EML4: variants seen among roughly 807,000 people sequenced by gnomAD.
EML4 encodes the protein EMAP like 4.
Under a neutral mutation model 129.0 loss-of-function variants are expected in EML4, and 72 were observed. That is an observed-to-expected ratio of 0.56 (90% confidence interval 0.46 to 0.68). The LOEUF (loss-of-function observed/expected upper bound fraction) is 0.68. Among genes scored for constraint, EML4 ranks in the 30% least tolerant of loss-of-function variants. The probability of loss-of-function intolerance (pLI) is 0.00; values close to 1 mark genes in which losing one functional copy is unlikely to be tolerated. For missense variants in EML4, 1,363 were observed against 1,190.6 expected (o/e 1.14, Z -2.13); for synonymous variants, 532 against 405.0 (o/e 1.31, Z -3.77).
intron 1 of EML4, among the ~76,000 whole-genome samples, chr2:42,240,349 C>T (rs1674945737): frequency 6.6e-6 from 1 of 152,106 alleles, no homozygotes; most frequent in Non-Finnish European, 1.5e-5. Flanking sequence ...CTAATCTTAC[C>T]TTCCTAGCCA....
chr2:42,304,169 C>T (rs1174291545), intron 16 of EML4, among the ~76,000 whole-genome samples: 1 of 152,134 alleles, frequency 6.6e-6, no homozygotes, highest in Admixed American at 6.5e-5. Flanking sequence ...TCCACCTTCT[C>T]TAGCCCAAGA....
At chr2:42,304,258 C>T (rs898514488) in intron 16 of EML4, among the ~76,000 whole-genome samples, 1 of 152,160 alleles carries the variant, frequency 6.6e-6, no homozygotes, top group Non-Finnish European at 1.5e-5. Context: ...GTTCCACTCC[C>T]TAGCCACAAG....
chr2:42,217,731 AT>A (rs1673286604), intron 1 of EML4, among the ~76,000 whole-genome samples: 1 of 152,182 alleles, frequency 6.6e-6, no homozygotes, highest in Admixed American at 6.5e-5. Flanking sequence ...ACATTGCTTG[AT>A]TGCTGAACTG....
rs537352036 is a variant in EML4, at chr2:42,255,964, T to C, written c.209-537T>C. Among the ~76,000 whole-genome samples, 8 of 152,376 alleles carry C rather than the reference T, an allele frequency of 5.3e-5. No homozygotes were observed. In the East Asian group the frequency reaches 7.7e-4, roughly 15 times the overall value. ...GTATAGATAGGACTGTTTTATCTTA[T>C]GATGTTGTGTCTTCTGACCACACTA... is the stretch of plus-strand genomic sequence containing the variant. On this transcript the variant is annotated intron_variant, in intron 2 of 22. Transcript: ENST00000318522.
At chr2:42,258,516 G>C (rs575131054) in intron 3 of EML4, among the ~76,000 whole-genome samples, 1 of 152,130 alleles carries the variant, frequency 6.6e-6, no homozygotes, top group East Asian at 1.9e-4. Flanking sequence ...TTCTCCTGCT[G>C]CAGCACCCGG....
intron 3 of EML4, 46 bp from the exon 4 acceptor site, chr2:42,261,075 C>A: frequency 1.1e-5 from 15 of 1,379,508 alleles, no homozygotes; most frequent in East Asian, 4.6e-5. Flanking sequence ...GATTTTTTTT[C>A]ATTTGTTTAA....
chr2:42,221,813 A>T (rs1307123277), intron 1 of EML4, among the ~76,000 whole-genome samples: 2 of 151,962 alleles, frequency 1.3e-5, no homozygotes, highest in African/African-American at 4.8e-5. Context: ...CGTGTTGGCC[A>T]GGCTGGTCTC....
intron 1 of EML4, among the ~76,000 whole-genome samples, chr2:42,222,837 C>T (rs187001153): frequency 7.4e-4 from 112 of 152,052 alleles, no homozygotes; most frequent in African/African-American, 2.5e-3. Context: ...CTCGCTTTGT[C>T]GCCTAGGCTG....
chr2:42,234,106 T>C (rs897473702), intron 1 of EML4, among the ~76,000 whole-genome samples: 1 of 152,274 alleles, frequency 6.6e-6, no homozygotes, highest in Non-Finnish European at 1.5e-5. Flanking sequence ...TGCCTGCTTT[T>C]GCCTGTGTGT....
At chr2:42,252,860 T>C (rs373399634) in intron 2 of EML4, among the ~76,000 whole-genome samples, 108 of 152,340 alleles carry the variant, frequency 7.1e-4, no homozygotes, top group African/African-American at 2.5e-3. Context: ...ATGTGTCCTT[T>C]CTTTGCACTT....
rs551871376 is a variant in EML4 at position 42,254,860 on chromosome 2, C to T, written c.209-1641C>T. ...CAAATGTTTATGGCAGCACTATTCC[C>T]ATTAGCCAAAAGGTGGAAACAATCC... On this transcript the variant is annotated intron_variant, in intron 2 of 22. Coordinates refer to ENST00000318522, the MANE Select transcript of EML4 (RefSeq NM_019063.5). 3.3e-5 allele frequency among the ~76,000 whole-genome samples: 5 copies of T among 152,066 alleles called. No individual in the cohort carries two copies. In the South Asian group the frequency reaches 1.0e-3, roughly 32 times the overall value.
At chr2:42,239,968 C>T (rs1410826547) in intron 1 of EML4, among the ~76,000 whole-genome samples, 1 of 152,080 alleles carries the variant, frequency 6.6e-6, no homozygotes, top group Non-Finnish European at 1.5e-5. Flanking sequence ...AAGAGCAATG[C>T]ATAATATAGT....
In EML4 at chr2:42,317,429, G is replaced by T; in HGVS notation, c.2059G>T (p.Gly687Cys). 6.2e-7 allele frequency: 1 copy of T among 1,601,008 alleles called. No individual in the cohort carries two copies. Among genetic ancestry groups the T allele is most frequent in the Non-Finnish European group, 8.5e-7 (1 of 1,170,586 alleles). Residue 687 changes from glycine to cysteine, a missense_variant and splice_region_variant, in exon 19 of 23, where the codon GGT becomes TGT. Gly to Cys is a radical substitution (Grantham distance 159). Transcript: ENST00000318522. ...QLSVMRYSID[G>C]TFLAVGSHDN... ...AACACTGACCTATTTTATTCTAGATGGTACCTTCCTGGCTGTAGGATCTCA... is the reference window on the plus strand; with the variant it reads ...AACACTGACCTATTTTATTCTAGATTGTACCTTCCTGGCTGTAGGATCTCA...
chr2:42,183,324 A>C (rs1223902929), intron 1 of EML4, among the ~76,000 whole-genome samples: 1 of 152,226 alleles, frequency 6.6e-6, no homozygotes. Context: ...AAAGAGTTTT[A>C]ATTAAATTAT....
At chr2:42,301,694 A>G (rs1370436923) in intron 14 of EML4, among the ~76,000 whole-genome samples, 1 of 151,974 alleles carries the variant, frequency 6.6e-6, no homozygotes, top group Admixed American at 6.6e-5. Flanking sequence ...TTTTGGATTT[A>G]TGCTTAGTGT....
chr2:42,321,307 C>T (rs527651325), intron 19 of EML4, among the ~76,000 whole-genome samples: 79 of 152,064 alleles, frequency 5.2e-4, no homozygotes, highest in East Asian at 1.7e-3. Flanking sequence ...GGCATGAACC[C>T]GGGAGGCGGA....
chr2:42,302,754 G>C (rs138572139), intron 14 of EML4, among the ~76,000 whole-genome samples: 15 of 152,112 alleles, frequency 9.9e-5, no homozygotes, highest in African/African-American at 3.6e-4. Context: ...GGCTGGTCTC[G>C]AACTCCTGAC....
chr2:42,255,779 T>C (rs1470648180), intron 2 of EML4, among the ~76,000 whole-genome samples: 1 of 152,230 alleles, frequency 6.6e-6, no homozygotes, highest in Non-Finnish European at 1.5e-5. Flanking sequence ...ATGACACAAA[T>C]GACCTCCAAC....
intron 17 of EML4, among the ~76,000 whole-genome samples, chr2:42,314,290 C>T (rs1669115061): frequency 6.6e-6 from 1 of 151,962 alleles, no homozygotes; most frequent in South Asian, 2.1e-4. Flanking sequence ...ACCCAGGAGG[C>T]GGAGGTTGCA....
Sources: gnomAD v4.1 joint callset for allele counts (sites outside exome capture counted in the v4.1 genomes callset) on GRCh38, gnomAD v4.1.1 for gene constraint, MANE v1.5 for transcripts, NCBI Gene and HGNC (gene_info 2026-07-23, HGNC 2026-07-21) for gene names.